TTC19: variants seen among roughly 807,000 people sequenced by gnomAD.
The protein encoded by TTC19 is tetratricopeptide repeat protein 19, mitochondrial.
In TTC19, 38 loss-of-function variants were observed where a neutral mutation model predicts 49.5. The ratio of observed to expected loss-of-function variants is 0.77; its 90% CI spans 0.59 to 1.01. The LOEUF (loss-of-function observed/expected upper bound fraction) is 1.01. Ranked by LOEUF, TTC19 falls within the 50% of genes least tolerant of loss-of-function variation. The pLI is 0.00. For missense variants in TTC19, 475 were observed against 477.7 expected (o/e 0.99, Z 0.05); for synonymous variants, 204 against 185.2 (o/e 1.10, Z -0.83).
At chr17:16,015,974 C>G (rs964725089) in intron 7 of TTC19, among the ~76,000 whole-genome samples, 46 of 152,056 alleles carry the variant, frequency 3.0e-4, no homozygotes, top group Admixed American at 1.2e-3. Context: ...ATTCAAAGAG[C>G]CAACTTCTGG....
chr17:16,021,732 T>C (rs969804620), intron 7 of TTC19, among the ~76,000 whole-genome samples: 3 of 151,970 alleles, frequency 2.0e-5, no homozygotes, highest in Admixed American at 2.0e-4. Flanking sequence ...ATTACTGGAG[T>C]TGTCTGATTT....
chr17:16,027,368 T>G lies in TTC19; in HGVS notation c.995-6T>G. 3 of 1,613,938 alleles carry G rather than the reference T, an allele frequency of 1.9e-6. No individual in the cohort carries two copies. The highest frequency in any genetic ancestry group is 2.5e-6 in the Non-Finnish European group (3 of 1,179,828). On this transcript the variant is annotated splice_region_variant and splice_polypyrimidine_tract_variant and intron_variant, in intron 9 of 9. Transcript: ENST00000261647. ...CTTACTGTCCCTTCTCTCTGGGTTA[T>G]TTTAGAACGATATACACAAGCAAAA...
At chr17:16,015,450 T>TA (rs1186928112) in intron 7 of TTC19, among the ~76,000 whole-genome samples, 1 of 152,216 alleles carries the variant, frequency 6.6e-6, no homozygotes, top group Non-Finnish European at 1.5e-5. Flanking sequence ...ACACTACTCT[T>TA]ACGTATCTGA....
chr17:16,031,054 A>G (rs151176987), downstream of TTC19: 140 of 193,896 alleles, frequency 7.2e-4, 2 homozygotes, highest in African/African-American at 3.0e-3. Context: ...AAATTCAGCA[A>G]GCAATTCTTA....
At chr17:16,038,181 C>T (rs1567637146) in intron 2 of TTC19, among the ~76,000 whole-genome samples, 2 of 151,962 alleles carry the variant, frequency 1.3e-5, no homozygotes, top group Non-Finnish European at 2.9e-5. Flanking sequence ...AGAAATACTG[C>T]TGAACTTCAG....
Position 16,025,060 on chromosome 17 carries a change from A to G in TTC19, c.720A>G (p.Leu240=). Residue 240 remains leucine (L), a synonymous_variant, in exon 8 of 10, where the codon TTA becomes TTG. Transcript: ENST00000261647. ...CCCACCTCCTCTTGGGCATGTGCTTAGACGCCTGTGCTCGCTACCTTCTGT... is the reference window on the plus strand; with the variant it reads ...CCCACCTCCTCTTGGGCATGTGCTTGGACGCCTGTGCTCGCTACCTTCTGT... ...ANTHLLLGMC[L]DACARYLLFS... 6.2e-7 allele frequency: 1 copy of G among 1,613,992 alleles called. No individual in the cohort carries two copies. The highest frequency in any genetic ancestry group is 8.5e-7 in the Non-Finnish European group (1 of 1,179,856).
At chr17:16,018,410 C>G (rs1971277224) in intron 7 of TTC19, among the ~76,000 whole-genome samples, 1 of 152,300 alleles carries the variant, frequency 6.6e-6, no homozygotes, top group African/African-American at 2.4e-5. Context: ...TCCCCTCTTC[C>G]ATCAGTTTTC....
At position 16,018,413 on chromosome 17, in the gene TTC19, C is replaced by A. The variant is rs570774337; in HGVS notation, c.677-6604C>A. 2.4e-3 allele frequency among the ~76,000 whole-genome samples: 371 copies of A among 152,294 alleles called. 2 individuals carry two copies. Among genetic ancestry groups the A allele is most frequent in the African/African-American group, 8.4e-3 (350 of 41,554 alleles). On this transcript the variant is annotated intron_variant, in intron 7 of 9. Transcript: ENST00000261647. ...TCCTTCACATTATCCCCTCTTCCAT[C>A]AGTTTTCTCATGTATATTTTGGGAG...
chr17:16,016,886 G>A (rs1971232459), intron 7 of TTC19, among the ~76,000 whole-genome samples: 1 of 151,870 alleles, frequency 6.6e-6, no homozygotes, highest in Admixed American at 6.6e-5. Context: ...TAGAGACGAG[G>A]TTTCACCATG....
At position 16,028,128 on chromosome 17, in the gene TTC19, AAAT is replaced by A. The variant is rs1468325506; in HGVS notation, c.*609_*611del. ...GACAGTATAGCACCCATTTGAATTT[AAAT>A]AAAAGTGAACCATATTTATCTGGTT... On this transcript the variant is annotated 3_prime_UTR_variant, in exon 10 of 10. Transcript: ENST00000261647. The A allele has an allele frequency of 4.4e-6, 2 of 454,008 alleles. No homozygotes were observed. Among genetic ancestry groups the A allele is most frequent in the Non-Finnish European group, 8.8e-6 (2 of 226,798 alleles). 28.1% of individuals were successfully genotyped at this position (454,008 alleles called of 1,614,324 possible). A position where few individuals can be genotyped will look rare whatever the true frequency, so the allele number is the denominator to read the frequency against.
At chr17:16,036,340 T>C (rs373475932) in intron 2 of TTC19, among the ~76,000 whole-genome samples, 13 of 152,350 alleles carry the variant, frequency 8.5e-5, no homozygotes, top group African/African-American at 3.1e-4. Flanking sequence ...ATCTAGGCTT[T>C]GTTCCATTTC....
downstream of TTC19, chr17:16,031,637 C>T (rs962771778): frequency 8.9e-6 from 2 of 224,912 alleles, no homozygotes; most frequent in East Asian, 6.4e-5. Flanking sequence ...TGGAAATTTA[C>T]AATATGGCAG....
intron 7 of TTC19, among the ~76,000 whole-genome samples, chr17:16,018,980 G>A (rs1293731985): frequency 1.3e-5 from 2 of 151,918 alleles, no homozygotes; most frequent in African/African-American, 4.8e-5. Context: ...CCTGCCTAGG[G>A]GTAGCTACTA....
downstream of TTC19, chr17:16,032,509 A>G (rs73981418): frequency 3.4e-3 from 5,330 of 1,557,284 alleles, 190 homozygotes; most frequent in African/African-American, 0.066. Flanking sequence ...TTAGGTTTTC[A>G]TTGTCATGAA....
At chr17:16,038,876 T>TTC (rs1339451118) in intron 2 of TTC19, among the ~76,000 whole-genome samples, 1 of 152,168 alleles carries the variant, frequency 6.6e-6, no homozygotes, top group Non-Finnish European at 1.5e-5. Context: ...GTTCAAGCAA[T>TTC]TCTCCTGCCT....
At chr17:16,002,344 A>C (rs942306722) in intron 3 of TTC19, among the ~76,000 whole-genome samples, 6 of 152,010 alleles carry the variant, frequency 3.9e-5, no homozygotes, top group Non-Finnish European at 8.8e-5. Context: ...TGCCTGGCTA[A>C]ATTTTGTATT....
chr17:16,002,841 T>C lies in TTC19; in HGVS notation c.462+10T>C. The C allele has an allele frequency of 6.2e-7, 1 of 1,613,724 alleles. No individual in the cohort carries two copies. Among genetic ancestry groups the C allele is most frequent in the Non-Finnish European group, 8.5e-7 (1 of 1,179,718 alleles). ...GGGTCAGCTTGAAAATGTAAGTAAA[T>C]TGCTTTGTAATATCTTGAATTTATG... On this transcript the variant is annotated intron_variant, in intron 4 of 9. Transcript: ENST00000261647.
At chr17:16,039,374 G>A (rs2057120970) in intron 2 of TTC19, 1 of 1,523,778 alleles carries the variant, frequency 6.6e-7, no homozygotes, top group Non-Finnish European at 9.0e-7. Context: ...CAGAATTTGG[G>A]AAATAAACTG....
chr17:16,038,740 G>A (rs1024941969), intron 2 of TTC19, among the ~76,000 whole-genome samples: 19 of 151,364 alleles, frequency 1.3e-4, no homozygotes, highest in Admixed American at 3.9e-4. Context: ...TTTTTTTATG[G>A]CTTACGATTA....
Sources: allele counts gnomAD v4.1 joint callset (sites outside exome capture counted in the v4.1 genomes callset), GRCh38; gene constraint gnomAD v4.1.1; transcripts MANE v1.5; gene names NCBI Gene and HGNC (gene_info 2026-07-23, HGNC 2026-07-21).